HMGB2: variants seen among roughly 807,000 people sequenced by gnomAD.
HMGB2 encodes high mobility group protein B2.
HMGB2 carries 2 observed loss-of-function variants against 23.0 expected under a neutral mutation model. That is an observed-to-expected ratio of 0.09 (90% CI 0.04 to 0.27). The LOEUF (loss-of-function observed/expected upper bound fraction) is 0.27, where lower values mean the gene tolerates loss of function less well. HMGB2 is among the 10% of genes least tolerant of loss of function. The pLI, the probability that HMGB2 is intolerant of heterozygous loss-of-function variation, is 1.00. For synonymous variants in HMGB2, 99 were observed against 87.5 expected, an observed-to-expected ratio of 1.13 and a Z score of -0.73; for missense variants, 178 against 256.5, an observed-to-expected ratio of 0.69 and a Z score of 2.09.
At position 173,331,833 on chromosome 4, in the gene HMGB2, C is replaced by T. The variant is rs1441251842; in HGVS notation, c.*247G>A. 1 of 413,530 alleles carries T rather than the reference C, an allele frequency of 2.4e-6. No individual in the cohort carries two copies. The highest frequency in any genetic ancestry group is 2.1e-5 in the African/African-American group (1 of 48,104). The allele number at this position is 413,530 out of a possible 1,614,324, so 25.6% of individuals were successfully genotyped here. The stretch of plus-strand genomic sequence containing the variant: ...ACCATACACAAGAAATTAAAAAAAC[C>T]ATTAAATATTTAGGAACATTCAACA... On this transcript the variant is annotated 3_prime_UTR_variant, in exon 5 of 5. Coordinates refer to ENST00000296503, the MANE Select transcript of HMGB2 (RefSeq NM_002129.4).
chr4:173,332,107 C>CTCATCT lies in HMGB2; in HGVS notation c.597_602dup (p.Asp200_Glu201dup), dbSNP rs746858128. ...ATTCTTCATCTTCATCCTCTTCCTCCTCATCTTCATCTTCTTCTTCCTCCT... is the reference window on the plus strand; with the variant it reads ...ATTCTTCATCTTCATCCTCTTCCTCCTCATCTTCATCTTCATCTTCTTCTTCCTCCT... On this transcript the variant is annotated inframe_insertion, in exon 5 of 5. Transcript: ENST00000296503. 6.2e-7 allele frequency: 1 copy of CTCATCT among 1,611,468 alleles called. No homozygotes were observed. Among genetic ancestry groups the CTCATCT allele is most frequent in the Admixed American group, 1.7e-5 (1 of 59,996 alleles).
rs745811389 is a variant in HMGB2, at chr4:173,332,816, T to G, written c.471+5A>C. On this transcript the variant is annotated splice_donor_5th_base_variant and intron_variant, in intron 4 of 4. Transcript: ENST00000296503. ...TCCACGGCTTTAAAAAAGATGACACTGTACCTTTTCATATTTCTCCTTTAG... is the reference window on the plus strand; with the variant it reads ...TCCACGGCTTTAAAAAAGATGACACGGTACCTTTTCATATTTCTCCTTTAG... 7.4e-6 allele frequency: 12 copies of G among 1,612,452 alleles called. No homozygotes were observed.
Position 173,333,746 on chromosome 4 carries a change from G to T in HMGB2, c.-20-77C>A. 3 of 1,201,188 alleles carry T rather than the reference G, an allele frequency of 2.5e-6. No homozygotes were observed. Among genetic ancestry groups the T allele is most frequent in the Non-Finnish European group, 3.4e-6 (3 of 880,748 alleles). The allele number at this position is 1,201,188 out of a possible 1,614,324, so 74.4% of individuals were successfully genotyped here. A position where few individuals can be genotyped will look rare whatever the true frequency, so the allele number is the denominator to read the frequency against. On this transcript the variant is annotated intron_variant, in intron 1 of 4. Transcript: ENST00000296503. The surrounding 1 kb of genome is among the most constrained non-coding windows in gnomAD (Gnocchi z 4.6). ...GCAGCTGCCAGGGCGGGCGCTGGCG[G>T]GGCTCCGCTTCCCGCCCAAATCCGC...
rs33987506 is a variant in HMGB2 at position 173,331,394 on chromosome 4, A to ATATATATATGTG, written c.*685_*686insCACATATATATA. On this transcript the variant is annotated 3_prime_UTR_variant, in exon 5 of 5. Coordinates refer to ENST00000296503, the MANE Select transcript of HMGB2 (RefSeq NM_002129.4). The stretch of plus-strand genomic sequence containing the variant: ...TATATACATATATATATATATATAT[A>ATATATATATGTG]TGTATATATATATACACACACCTGA... Among the ~76,000 whole-genome samples, 5 of 138,874 alleles carry ATATATATATGTG rather than the reference A, an allele frequency of 3.6e-5. No individual in the cohort carries two copies. Among genetic ancestry groups the ATATATATATGTG allele is most frequent in the East Asian group, 4.0e-4 (2 of 5,034 alleles). 91.1% of individuals were successfully genotyped at this position (138,874 alleles called of 152,430 possible).
At position 173,333,796 on chromosome 4, in the gene HMGB2, C is replaced by T; in HGVS notation, c.-20-127G>A. 1 of 601,122 alleles carries T rather than the reference C, an allele frequency of 1.7e-6. No homozygotes were observed. Among genetic ancestry groups the T allele is most frequent in the South Asian group, 4.4e-5 (1 of 22,796 alleles). The allele number at this position is 601,122 out of a possible 1,614,324, so 37.2% of individuals were successfully genotyped here. On this transcript the variant is annotated intron_variant, in intron 1 of 4. Transcript: ENST00000296503. The surrounding 1 kb of genome is among the most constrained non-coding windows in gnomAD (Gnocchi z 4.6). Reference sequence around the variant, plus strand: ...CTCCCGCCCTGCCCGCGCCCCCCTCCTCCCGAGGGCGTCCTCCCAAGGGCG... The same window carrying T: ...CTCCCGCCCTGCCCGCGCCCCCCTCTTCCCGAGGGCGTCCTCCCAAGGGCG...
In HMGB2 at chr4:173,331,724, A is replaced by G. The variant is rs1314691514; in HGVS notation, c.*356T>C. 1.2e-5 allele frequency: 2 copies of G among 171,922 alleles called. No homozygotes were observed. Among genetic ancestry groups the G allele is most frequent in the Non-Finnish European group, 2.5e-5 (2 of 80,944 alleles). 10.6% of individuals were successfully genotyped at this position (171,922 alleles called of 1,614,324 possible). On this transcript the variant is annotated 3_prime_UTR_variant, in exon 5 of 5. Transcript: ENST00000296503. ...AATAATATACATAATTTTATTACAA[A>G]ATTTTTTTTAAAAAAACGAAATGCA...
In HMGB2 at chr4:173,332,610, C is replaced by CT. The variant is rs1184847363; in HGVS notation, c.471+210dup. 1.1e-5 allele frequency: 6 copies of CT among 539,400 alleles called. No individual in the cohort carries two copies. In the African/African-American group the frequency reaches 1.1e-4, roughly 10 times the overall value. The allele number at this position is 539,400 out of a possible 1,614,324, so 33.4% of individuals were successfully genotyped here. On this transcript the variant is annotated intron_variant, in intron 4 of 4. Transcript: ENST00000296503. The stretch of plus-strand genomic sequence containing the variant: ...ACAATAACTACAAGTAACTACAAGT[C>CT]TGTCTGCAGGAATATACTAGTGCTA...
chr4:173,333,723 AGCTGCCAGGGCGGGC>A lies in HMGB2; in HGVS notation c.-20-69_-20-55del, dbSNP rs1738168917. 7 of 1,406,748 alleles carry A rather than the reference AGCTGCCAGGGCGGGC, an allele frequency of 5.0e-6. No homozygotes were observed. In the Admixed American group the frequency reaches 1.4e-4, roughly 28 times the overall value. The allele number at this position is 1,406,748 out of a possible 1,614,324, so 87.1% of individuals were successfully genotyped here. On this transcript the variant is annotated intron_variant, in intron 1 of 4. Coordinates refer to ENST00000296503, the MANE Select transcript of HMGB2 (RefSeq NM_002129.4). This position sits in a 1 kb window ranked among gnomAD's most constrained non-coding sequence, Gnocchi z 4.6. ...GCCGGAGGGTCGGCGCGGAGCCCGC[AGCTGCCAGGGCGGGC>A]GCTGGCGGGGCTCCGCTTCCCGCCC...
chr4:173,332,678 T>C, intron 4 of HMGB2, 143 bp downstream of exon 4: 1 of 733,518 alleles, frequency 1.4e-6, no homozygotes, highest in East Asian at 2.5e-5. Context: ...AATTACCTTG[T>C]GTTGAAGTGT....
At chr4:173,334,049 G>C (rs997889846) in intron 1 of HMGB2, 1 of 153,402 alleles carries the variant, frequency 6.5e-6, no homozygotes, top group African/African-American at 2.4e-5. Context: ...AGCACCTCGT[G>C]ACCGACATTG....
chr4:173,332,245 T>C lies in HMGB2; in HGVS notation c.472-7A>G, dbSNP rs1470410564. On this transcript the variant is annotated splice_region_variant and splice_polypyrimidine_tract_variant and intron_variant, in intron 4 of 4. Transcript: ENST00000296503. Reference sequence around the variant, plus strand: ...CACGATATGCAGCAATATCCTGAAATATTGTCAAAAAAATAAAGCATCCGG... The same window carrying C: ...CACGATATGCAGCAATATCCTGAAACATTGTCAAAAAAATAAAGCATCCGG... The C allele has an allele frequency of 1.3e-6, 2 of 1,553,974 alleles. No homozygotes were observed. The highest frequency in any genetic ancestry group is 1.7e-6 in the Non-Finnish European group (2 of 1,153,238).
Position 173,333,192 on chromosome 4 carries a change from G to A in HMGB2, c.173C>T (p.Ser58Leu), listed in dbSNP as rs774387734. Residue 58 changes from serine to leucine, a missense_variant, in exon 3 of 5, where the codon TCG becomes TTG. Transcript: ENST00000296503. This position sits in a 1 kb window ranked among gnomAD's most constrained non-coding sequence, Gnocchi z 4.6. ...RWKTMSAKEK[S>L]KFEDMAKSDK... ...ACTTTTTGCCATATCTTCAAACTTCGACTTCTCCTTTGCAGACATGGTCTG... is the reference window on the plus strand; with the variant it reads ...ACTTTTTGCCATATCTTCAAACTTCAACTTCTCCTTTGCAGACATGGTCTG... 1.1e-5 allele frequency: 18 copies of A among 1,613,618 alleles called. No homozygotes were observed. The Admixed American group carries it at 2.2e-4, about 19-fold the overall frequency.
rs555089630 is a variant in HMGB2 at position 173,332,125 on chromosome 4, T to TTCC, written c.582_584dup (p.Glu197dup). On this transcript the variant is annotated inframe_insertion, in exon 5 of 5. Coordinates refer to ENST00000296503, the MANE Select transcript of HMGB2 (RefSeq NM_002129.4). ...CTTCCTCCTCATCTTCATCTTCTTC[T>TTCC]TCCTCCTCCTCCTCCTCATCTTCTG... The TTCC allele has an allele frequency of 3.9e-5, 62 of 1,607,800 alleles. No homozygotes were observed. Among genetic ancestry groups the TTCC allele is most frequent in the African/African-American group, 2.9e-4 (22 of 74,880 alleles).
chr4:173,331,390 ATATATG>A lies in HMGB2; in HGVS notation c.*684_*689del, dbSNP rs1738089559. Among the ~76,000 whole-genome samples the A allele has an allele frequency of 1.4e-5, 2 of 144,158 alleles. No homozygotes were observed. Among genetic ancestry groups the A allele is most frequent in the African/African-American group, 5.2e-5 (2 of 38,106 alleles). The allele number at this position is 144,158 out of a possible 152,430, so 94.6% of individuals were successfully genotyped here. A position where few individuals can be genotyped will look rare whatever the true frequency, so the allele number is the denominator to read the frequency against. On this transcript the variant is annotated 3_prime_UTR_variant, in exon 5 of 5. Transcript: ENST00000296503. Reference sequence around the variant, plus strand: ...TATATATATACATATATATATATATATATATGTATATATATATACACACACCTGAGG... The same window carrying A: ...TATATATATACATATATATATATATATATATATATATACACACACCTGAGG...
In HMGB2 at chr4:173,333,636, T is replaced by G; in HGVS notation, c.14A>C (p.Asp5Ala). Residue 5 changes from aspartate to alanine, a missense_variant, in exon 2 of 5, where the codon GAC (aspartate) becomes GCC (alanine). Transcript: ENST00000296503. The surrounding 1 kb of genome is among the most constrained non-coding windows in gnomAD (Gnocchi z 4.6). MGKG[D>A]PNKPRGKMSS... ...CATTTTGCCCCGCGGCTTGTTGGGG[T>G]CTCCTTTACCCATGTTGACAGATCC... 1.2e-6 allele frequency: 2 copies of G among 1,613,654 alleles called. No individual in the cohort carries two copies. Among genetic ancestry groups the G allele is most frequent in the Non-Finnish European group, 1.7e-6 (2 of 1,179,772 alleles).
Position 173,333,323 on chromosome 4 carries a change from T to C in HMGB2, c.151-109A>G. 1.4e-6 allele frequency: 2 copies of C among 1,392,710 alleles called. No homozygotes were observed. The highest frequency in any genetic ancestry group is 2.0e-6 in the Non-Finnish European group (2 of 1,022,298). 86.3% of individuals were successfully genotyped at this position (1,392,710 alleles called of 1,614,324 possible). A position where few individuals can be genotyped will look rare whatever the true frequency, so the allele number is the denominator to read the frequency against. The stretch of plus-strand genomic sequence containing the variant: ...CACATTTTCCTTAACAGCATTTTGC[T>C]TTCGAAGTCTTATATAAGTAAAAAC... On this transcript the variant is annotated intron_variant, in intron 2 of 4. Coordinates refer to ENST00000296503, the MANE Select transcript of HMGB2 (RefSeq NM_002129.4). The surrounding 1 kb of genome is among the most constrained non-coding windows in gnomAD (Gnocchi z 4.6).
At chr4:173,332,334 C>A in intron 4 of HMGB2, 96 bp from the exon 5 acceptor site, 2 of 915,890 alleles carry the variant, frequency 2.2e-6, no homozygotes, top group South Asian at 3.4e-5. Flanking sequence ...GACCAATAAC[C>A]CTAATAACTG....
rs555089630 is a variant in HMGB2 at position 173,332,125 on chromosome 4, TTCC to T, written c.582_584del (p.Glu197del). On this transcript the variant is annotated inframe_deletion, in exon 5 of 5. Transcript: ENST00000296503. The stretch of plus-strand genomic sequence containing the variant: ...CTTCCTCCTCATCTTCATCTTCTTC[TTCC>T]TCCTCCTCCTCCTCATCTTCTGGTT... 938 of 1,595,226 alleles carry T rather than the reference TTCC, an allele frequency of 5.9e-4. No homozygotes were observed. Among genetic ancestry groups the T allele is most frequent in the African/African-American group, 1.2e-3 (91 of 74,580 alleles).
At position 173,333,717 on chromosome 4, in the gene HMGB2, G is replaced by C; in HGVS notation, c.-20-48C>G. The C allele has an allele frequency of 1.4e-6, 2 of 1,428,546 alleles. No individual in the cohort carries two copies. Among genetic ancestry groups the C allele is most frequent in the Non-Finnish European group, 1.9e-6 (2 of 1,061,236 alleles). 88.5% of individuals were successfully genotyped at this position (1,428,546 alleles called of 1,614,324 possible). A position where few individuals can be genotyped will look rare whatever the true frequency, so the allele number is the denominator to read the frequency against. ...GGGGAAGCCGGAGGGTCGGCGCGGAGCCCGCAGCTGCCAGGGCGGGCGCTG... is the reference window on the plus strand; with the variant it reads ...GGGGAAGCCGGAGGGTCGGCGCGGACCCCGCAGCTGCCAGGGCGGGCGCTG... On this transcript the variant is annotated intron_variant, in intron 1 of 4. Coordinates refer to ENST00000296503, the MANE Select transcript of HMGB2 (RefSeq NM_002129.4). The surrounding 1 kb of genome is among the most constrained non-coding windows in gnomAD (Gnocchi z 4.6).
Sources: allele counts gnomAD v4.1 joint callset (sites outside exome capture counted in the v4.1 genomes callset), GRCh38; gene constraint gnomAD v4.1.1; non-coding constraint Gnocchi (gnomAD v3.1); transcripts MANE v1.5; gene names NCBI Gene and HGNC (gene_info 2026-07-23, HGNC 2026-07-21).